Variants in SLC9A9 observed in about 807,000 individuals in gnomAD.
SLC9A9 encodes sodium/hydrogen exchanger 9.
Under a neutral mutation model 77.8 loss-of-function variants are expected in SLC9A9, and 62 were observed. That is an observed-to-expected ratio of 0.80 (90% CI 0.65 to 0.98). The LOEUF is 0.98. Ranked by LOEUF, SLC9A9 falls within the 50% of genes least tolerant of loss-of-function variation. SLC9A9 has a pLI of 0.00. For synonymous variants in SLC9A9, 320 were observed against 283.5 expected (o/e 1.13, Z -1.29); for missense variants, 775 against 774.9 (o/e 1.00, Z 0.00).
intron 5 of SLC9A9, among the ~76,000 whole-genome samples, chr3:143,686,001 C>T (rs908790054): frequency 6.6e-6 from 1 of 152,186 alleles, no homozygotes; most frequent in Non-Finnish European, 1.5e-5. Flanking sequence ...CAGCTATGTA[C>T]TAGAAGTCCA....
At chr3:143,547,294 A>G (rs1370084349) in intron 9 of SLC9A9, among the ~76,000 whole-genome samples, 1 of 152,118 alleles carries the variant, frequency 6.6e-6, no homozygotes, top group Non-Finnish European at 1.5e-5. Flanking sequence ...TCATATGCTG[A>G]TGACTCTCAA....
At chr3:143,759,772 C>A (rs752176927) in intron 4 of SLC9A9, among the ~76,000 whole-genome samples, 15 of 152,060 alleles carry the variant, frequency 9.9e-5, no homozygotes, top group Non-Finnish European at 1.9e-4. Context: ...CTATCCTAAG[C>A]ACTTGTCTCT....
chr3:143,416,546 A>AT (rs1217441131), intron 12 of SLC9A9, among the ~76,000 whole-genome samples: 1 of 152,142 alleles, frequency 6.6e-6, no homozygotes, highest in Non-Finnish European at 1.5e-5. Flanking sequence ...GATGATTAGC[A>AT]TTTTTTAGCA....
In SLC9A9 at chr3:143,772,022, A is replaced by ATGTGTGTGTGTGTG. The variant is rs55750613; in HGVS notation, c.533+22965_533+22978dup. 5.7e-3 allele frequency among the ~76,000 whole-genome samples: 806 copies of ATGTGTGTGTGTGTG among 141,704 alleles called. 6 individuals are homozygous for ATGTGTGTGTGTGTG. The highest frequency in any genetic ancestry group is 0.019 in the African/African-American group (710 of 38,138). 93.0% of individuals were successfully genotyped at this position (141,704 alleles called of 152,430 possible). ...AAGACAGCCTCAGAGCATCCCCAGA[A>ATGTGTGTGTGTGTG]TGTGTGTGTGTGTGTGTGTGTGTGT... On this transcript the variant is annotated intron_variant, in intron 4 of 15. Transcript: ENST00000316549.
intron 2 of SLC9A9, among the ~76,000 whole-genome samples, chr3:143,816,430 G>T (rs576037977): frequency 6.6e-6 from 1 of 152,038 alleles, no homozygotes; most frequent in South Asian, 2.1e-4. Flanking sequence ...ACCGTTTTAC[G>T]TTTATTGAAT....
At chr3:143,540,009 G>A (rs893789195) in intron 9 of SLC9A9, among the ~76,000 whole-genome samples, 2 of 151,982 alleles carry the variant, frequency 1.3e-5, no homozygotes, top group African/African-American at 4.8e-5. Context: ...ATTTAGAAAA[G>A]GCTAAATGAG....
chr3:143,445,592 G>T (rs914115063), intron 12 of SLC9A9, among the ~76,000 whole-genome samples: 1 of 152,108 alleles, frequency 6.6e-6, no homozygotes, highest in South Asian at 2.1e-4. Context: ...GAGTCAAGCC[G>T]AGCTGAGCTG....
chr3:143,702,307 C>T (rs569381205), intron 4 of SLC9A9, among the ~76,000 whole-genome samples: 1 of 152,142 alleles, frequency 6.6e-6, no homozygotes, highest in South Asian at 2.1e-4. Flanking sequence ...CTATTCAGAT[C>T]TTAATTAGAA....
intron 6 of SLC9A9, among the ~76,000 whole-genome samples, chr3:143,648,816 T>C (rs1031064013): frequency 6.6e-6 from 1 of 152,176 alleles, no homozygotes; most frequent in Non-Finnish European, 1.5e-5. Context: ...TGAAAGTTAC[T>C]AAAATTTAGT....
chr3:143,296,699 C>G (rs1483084411), intron 14 of SLC9A9, among the ~76,000 whole-genome samples: 1 of 152,118 alleles, frequency 6.6e-6, no homozygotes, highest in African/African-American at 2.4e-5. Context: ...CACTGGTTAT[C>G]TTTCTCTCTT....
chr3:143,606,155 AGCACG>A (rs907662403), intron 6 of SLC9A9, among the ~76,000 whole-genome samples: 3 of 44,814 alleles, frequency 6.7e-5, no homozygotes, highest in African/African-American at 5.9e-4. Flanking sequence ...ATCCTAGCAC[AGCACG>A]TTGGGAGGCT....
At chr3:143,392,902 A>G (rs965455430) in intron 12 of SLC9A9, among the ~76,000 whole-genome samples, 2 of 152,196 alleles carry the variant, frequency 1.3e-5, no homozygotes, top group Non-Finnish European at 2.9e-5. Context: ...AGAGCTAACT[A>G]TCCTAAATAT....
intron 11 of SLC9A9, among the ~76,000 whole-genome samples, chr3:143,491,112 C>T (rs1420313856): frequency 6.6e-6 from 1 of 152,090 alleles, no homozygotes; most frequent in East Asian, 1.9e-4. Context: ...CTAACGGTGC[C>T]AATGCCAGCA....
chr3:143,654,663 A>C lies in SLC9A9; in HGVS notation c.650-2303T>G, dbSNP rs2038858447. 2.0e-5 allele frequency among the ~76,000 whole-genome samples: 3 copies of C among 152,056 alleles called. No individual in the cohort carries two copies. The South Asian group carries it at 6.2e-4, about 32-fold the overall frequency. On this transcript the variant is annotated intron_variant, in intron 5 of 15. Transcript: ENST00000316549. ...AGTAACATTTTTTTTTAACTAGAACATTCTATCATGGCCTCTCTATTGTTA... is the reference window on the plus strand; with the variant it reads ...AGTAACATTTTTTTTTAACTAGAACCTTCTATCATGGCCTCTCTATTGTTA...
intron 8 of SLC9A9, among the ~76,000 whole-genome samples, chr3:143,559,841 C>T (rs1337823685): frequency 6.6e-6 from 1 of 152,144 alleles, no homozygotes; most frequent in Admixed American, 6.5e-5. Flanking sequence ...ATCTCTAGAA[C>T]ACAAACCTTC....
At chr3:143,802,922 C>T (rs535691997) in intron 2 of SLC9A9, among the ~76,000 whole-genome samples, 4 of 152,148 alleles carry the variant, frequency 2.6e-5, no homozygotes, top group Non-Finnish European at 4.4e-5. Context: ...CAGACACCAG[C>T]CCTCTAGGTG....
intron 14 of SLC9A9, among the ~76,000 whole-genome samples, chr3:143,333,544 T>C (rs1280797359): frequency 1.3e-5 from 2 of 152,230 alleles, no homozygotes; most frequent in African/African-American, 2.4e-5. Flanking sequence ...GTCTCATTTA[T>C]AAGCCAGCAG....
intron 9 of SLC9A9, among the ~76,000 whole-genome samples, chr3:143,496,756 T>C (rs1273694319): frequency 2.0e-5 from 3 of 152,240 alleles, no homozygotes; most frequent in Non-Finnish European, 4.4e-5. Context: ...ATTATATCTT[T>C]ACTTTTTCAA....
At chr3:143,744,747 A>C (rs1935164745) in intron 4 of SLC9A9, among the ~76,000 whole-genome samples, 1 of 152,208 alleles carries the variant, frequency 6.6e-6, no homozygotes, top group Admixed American at 6.5e-5. Flanking sequence ...TTCCTGAATC[A>C]GGCAAATGAA....
Sources: gnomAD v4.1 joint callset for allele counts (sites outside exome capture counted in the v4.1 genomes callset) on GRCh38, gnomAD v4.1.1 for gene constraint, MANE v1.5 for transcripts, NCBI Gene and HGNC (gene_info 2026-07-23, HGNC 2026-07-21) for gene names.